ZNF853: variants seen among roughly 807,000 people sequenced by gnomAD.
The protein encoded by ZNF853 is zinc finger protein 853.
ZNF853 carries 57 observed loss-of-function variants against 94.7 expected under a neutral mutation model. The observed-to-expected ratio is 0.60, with a 90% CI of 0.49 to 0.75. ZNF853 has a LOEUF of 0.75. Ranked by LOEUF, ZNF853 falls within the 30% of genes least tolerant of loss-of-function variation. ZNF853 has a pLI of 0.00. For missense variants in ZNF853, 785 were observed against 868.9 expected, an observed-to-expected ratio of 0.90 and a Z score of 1.21; for synonymous variants, 448 against 406.3, an observed-to-expected ratio of 1.10 and a Z score of -1.23.
In ZNF853 at chr7:6,622,530, C is replaced by T. The variant is rs1782652768; in HGVS notation, c.1539C>T (p.His513=). ...CCACGCACACGGGTGAGCGGCCACA[C>T]CGCTGCGGCGAGTGCGGCAAGGGCT... is the stretch of plus-strand genomic sequence containing the variant. ...HQATHTGERP[H]RCGECGKGFS... is the part of the protein sequence containing the mutation. The change falls in exon 3 of 3, where the codon CAC becomes CAT. Residue 513 remains histidine (H), a synonymous_variant. Transcript: ENST00000457543. The T allele has an allele frequency of 6.5e-7, 1 of 1,549,770 alleles. No individual in the cohort carries two copies. Among genetic ancestry groups the T allele is most frequent in the African/African-American group, 1.4e-5 (1 of 73,116 alleles).
At chr7:6,617,484 G>T in intron 2 of ZNF853, 177 bp downstream of exon 2, 1 of 701,638 alleles carries the variant, frequency 1.4e-6, no homozygotes, top group African/African-American at 1.9e-5. Context: ...GCAGGCTGAG[G>T]CCAGGCTGGT....
chr7:6,622,188 G>A lies in ZNF853; in HGVS notation c.1197G>A (p.Glu399=), dbSNP rs867587863. The change falls in exon 3 of 3, where the codon GAG becomes GAA. Residue 399 remains glutamate (E), a synonymous_variant. Transcript: ENST00000457543. ...TPVELGAQQQ[E]VQLELTPVQP... is the part of the protein sequence containing the mutation. ...TGGAGCTAGGCGCCCAGCAGCAGGAGGTGCAGCTGGAGCTGACCCCCGTGC... is the reference window on the plus strand; with the variant it reads ...TGGAGCTAGGCGCCCAGCAGCAGGAAGTGCAGCTGGAGCTGACCCCCGTGC... The A allele has an allele frequency of 1.3e-6, 2 of 1,539,178 alleles. No homozygotes were observed. The highest frequency in any genetic ancestry group is 1.7e-6 in the Non-Finnish European group (2 of 1,145,550).
chr7:6,618,920 A>T lies in ZNF853; in HGVS notation c.130+1613A>T. On this transcript the variant is annotated intron_variant, in intron 2 of 2. Transcript: ENST00000457543. Reference sequence around the variant, plus strand: ...TGTCTTCTACCATGTGCTTCCCCCCAGCCAATGTCAGTGTCTATGAAAAGC... The same window carrying T: ...TGTCTTCTACCATGTGCTTCCCCCCTGCCAATGTCAGTGTCTATGAAAAGC... 2.0e-5 allele frequency among the ~76,000 whole-genome samples: 3 copies of T among 151,934 alleles called. No homozygotes were observed. In the South Asian group the frequency reaches 6.2e-4, roughly 31 times the overall value.
Position 6,616,135 on chromosome 7 carries a change from A to G in ZNF853, c.-40A>G. The G allele has an allele frequency of 6.5e-7, 1 of 1,542,614 alleles. No homozygotes were observed. Among genetic ancestry groups the G allele is most frequent in the Non-Finnish European group, 8.8e-7 (1 of 1,141,940 alleles). The stretch of plus-strand genomic sequence containing the variant: ...GGCCTTCACCTCGCAGCCTCTGCTG[A>G]CCACACCTCCCTAGCGCAGAGGCTG... On this transcript the variant is annotated 5_prime_UTR_variant, in exon 1 of 3. The change abolishes the stop of an existing upstream ORF in the 5' untranslated region. Coordinates refer to ENST00000457543, the MANE Select transcript of ZNF853 (RefSeq NM_017560.3).
In ZNF853 at chr7:6,622,477, C is replaced by T; in HGVS notation, c.1486C>T (p.Arg496Cys). 6.5e-7 allele frequency: 1 copy of T among 1,534,354 alleles called. No homozygotes were observed. The highest frequency in any genetic ancestry group is 8.8e-7 in the Non-Finnish European group (1 of 1,141,742). Residue 496 changes from arginine to cysteine, a missense_variant, in exon 3 of 3, where the codon CGC becomes TGC. Arg to Cys is a radical substitution (Grantham distance 180, BLOSUM62 -3). Coordinates refer to ENST00000457543, the MANE Select transcript of ZNF853 (RefSeq NM_017560.3). ...ICGECGKGFS[R>C]STDLVRHQAT... ...CGGGGAGTGCGGCAAGGGCTTCAGC[C>T]GCAGCACGGACCTGGTGCGCCACCA...
Position 6,621,355 on chromosome 7 carries a change from C to T in ZNF853, c.364C>T (p.Pro122Ser). The T allele has an allele frequency of 1.3e-6, 2 of 1,551,742 alleles. No individual in the cohort carries two copies. The highest frequency in any genetic ancestry group is 1.7e-6 in the Non-Finnish European group (2 of 1,147,008). ...GCCACACCTAGAACTGCAACAGCAG[C>T]CGCAGCAAGATGGGCAACAACAGCT... ...PQPHLELQQQ[P>S]QQDGQQQLSQ... Residue 122 changes from proline (P) to serine (S), a missense_variant, in exon 3 of 3, where the codon CCG becomes TCG. Physicochemically the swap from Pro to Ser is moderately conservative, Grantham distance 74. Coordinates refer to ENST00000457543, the MANE Select transcript of ZNF853 (RefSeq NM_017560.3).
At chr7:6,617,968 G>A in intron 2 of ZNF853, among the ~76,000 whole-genome samples, 1 of 152,038 alleles carries the variant, frequency 6.6e-6, no homozygotes, top group Non-Finnish European at 1.5e-5. Context: ...AGGACCAAGG[G>A]AATTGGAGGG....
At chr7:6,617,628 GTCAATTTCCAC>G in intron 2 of ZNF853, 1 of 985,440 alleles carries the variant, frequency 1.0e-6, no homozygotes. Context: ...CAGCTCCTGA[GTCAATTTCCAC>G]TCAATTTCCC....
rs1460580169 is a variant in ZNF853, at chr7:6,621,252, A to G, written c.261A>G (p.Arg87=). The change falls in exon 3 of 3, where the codon CGA becomes CGG. Residue 87 remains arginine, a synonymous_variant. Coordinates refer to ENST00000457543, the MANE Select transcript of ZNF853 (RefSeq NM_017560.3). ...EIAEETRPGQ[R]ELQLQQLEQQ... is the part of the protein sequence containing the mutation. ...CTGAGGAAACCCGGCCGGGACAACG[A>G]GAGTTGCAACTGCAGCAGTTAGAAC... 2 of 1,549,438 alleles carry G rather than the reference A, an allele frequency of 1.3e-6. No individual in the cohort carries two copies. The highest frequency in any genetic ancestry group is 4.9e-5 in the East Asian group (2 of 40,876).
intron 1 of ZNF853, 23 bp downstream of exon 1, chr7:6,616,209 C>T: frequency 1.9e-6 from 3 of 1,546,976 alleles, no homozygotes; most frequent in African/African-American, 1.4e-5. Flanking sequence ...GGGTCGTTGG[C>T]GCTGGGCAAC....
intron 2 of ZNF853, among the ~76,000 whole-genome samples, chr7:6,618,834 A>C: frequency 6.6e-6 from 1 of 152,250 alleles, no homozygotes; most frequent in East Asian, 1.9e-4. Flanking sequence ...TCCTCCCAGA[A>C]GAGGTGGGAG....
intron 2 of ZNF853, chr7:6,617,697 C>T: frequency 1.0e-6 from 1 of 967,016 alleles, no homozygotes; most frequent in South Asian, 4.8e-5. Context: ...CCCCTCCTGC[C>T]CCAGATGTTG....
chr7:6,621,002 C>T, intron 2 of ZNF853, 120 bp from the exon 3 acceptor site: 1 of 1,275,494 alleles, frequency 7.8e-7, no homozygotes, highest in Non-Finnish European at 1.0e-6. Context: ...CACTTTCGGG[C>T]TCCTGCTAAG....
chr7:6,622,651 T>G lies in ZNF853; in HGVS notation c.1660T>G (p.Ser554Ala). The G allele has an allele frequency of 3.2e-6, 5 of 1,577,412 alleles. No individual in the cohort carries two copies. The highest frequency in any genetic ancestry group is 4.3e-6 in the Non-Finnish European group (5 of 1,162,906). The change falls in exon 3 of 3, where the codon TCG (serine) becomes GCG (alanine). Residue 554 changes from serine to alanine, a missense_variant. Physicochemically the swap from Ser to Ala is moderately conservative, Grantham distance 99. Transcript: ENST00000457543. ...CTGCGCCAAGCGCTTCAGCGAGAGC[T>G]CGGCGCTCGTGCAGCACCAGCGCAC... is the stretch of plus-strand genomic sequence containing the variant. ...SYCAKRFSES[S>A]ALVQHQRTHT...
At chr7:6,619,483 G>A in intron 2 of ZNF853, among the ~76,000 whole-genome samples, 1 of 151,998 alleles carries the variant, frequency 6.6e-6, no homozygotes, top group African/African-American at 2.4e-5. Context: ...TGTTGGCCAG[G>A]ATGGTCTCAA....
In ZNF853 at chr7:6,622,672, C is replaced by T; in HGVS notation, c.1681C>T (p.Arg561Cys). The change falls in exon 3 of 3, where the codon CGC becomes TGC. Residue 561 changes from arginine (R) to cysteine (C), a missense_variant. Arg to Cys is a radical substitution (Grantham distance 180). Transcript: ENST00000457543. ...SESSALVQHQ[R>C]THTGERPYAC... is the part of the protein sequence containing the mutation. The stretch of plus-strand genomic sequence containing the variant: ...GAGCTCGGCGCTCGTGCAGCACCAG[C>T]GCACGCACACCGGGGAGCGACCCTA... 1.9e-6 allele frequency: 3 copies of T among 1,578,794 alleles called. No homozygotes were observed. Among genetic ancestry groups the T allele is most frequent in the Non-Finnish European group, 1.7e-6 (2 of 1,163,786 alleles).
In ZNF853 at chr7:6,622,900, G is replaced by T; in HGVS notation, c.1909G>T (p.Ala637Ser). 8.0e-7 allele frequency: 1 copy of T among 1,254,710 alleles called. No individual in the cohort carries two copies. The highest frequency in any genetic ancestry group is 1.0e-6 in the Non-Finnish European group (1 of 1,000,504). 77.7% of individuals were successfully genotyped at this position (1,254,710 alleles called of 1,614,324 possible). ...GLGLLRASRP[A>S]ALGGPARAEQ... ...CGGCCTGCTGCGCGCCTCGCGGCCG[G>T]CGGCCCTCGGTGGCCCAGCCCGCGC... Residue 637 changes from alanine (A) to serine (S), a missense_variant, in exon 3 of 3, where the codon GCG becomes TCG. Coordinates refer to ENST00000457543, the MANE Select transcript of ZNF853 (RefSeq NM_017560.3).
At chr7:6,620,604 T>TCTCTC in intron 2 of ZNF853, among the ~76,000 whole-genome samples, 29 of 151,738 alleles carry the variant, frequency 1.9e-4, no homozygotes, top group African/African-American at 6.8e-4. Flanking sequence ...CTTCTTCCTT[T>TCTCTC]CTTTCTCTCT....
In ZNF853 at chr7:6,621,148, G is replaced by C; in HGVS notation, c.157G>C (p.Glu53Gln). 6.8e-7 allele frequency: 1 copy of C among 1,468,470 alleles called. No homozygotes were observed. Among genetic ancestry groups the C allele is most frequent in the East Asian group, 2.5e-5 (1 of 40,354 alleles). 91.0% of individuals were successfully genotyped at this position (1,468,470 alleles called of 1,614,324 possible). A position where few individuals can be genotyped will look rare whatever the true frequency, so the allele number is the denominator to read the frequency against. Reference sequence around the variant, plus strand: ...TGGCAGCGGTGGGAGCGAGAGTCAGGAGGAGGAAGAGCCTCAGGAGAGGAA... The same window carrying C: ...TGGCAGCGGTGGGAGCGAGAGTCAGCAGGAGGAAGAGCCTCAGGAGAGGAA... Reference protein sequence around the residue: ...SGGSGGSESQEEEEPQERNSS... With the variant: ...SGGSGGSESQQEEEPQERNSS... Residue 53 changes from glutamate (E) to glutamine (Q), a missense_variant, in exon 3 of 3, where the codon GAG becomes CAG. Physicochemically the swap from Glu to Gln is conservative, Grantham distance 29. Coordinates refer to ENST00000457543, the MANE Select transcript of ZNF853 (RefSeq NM_017560.3).
Sources: allele counts gnomAD v4.1 joint callset (sites outside exome capture counted in the v4.1 genomes callset), GRCh38; gene constraint gnomAD v4.1.1; transcripts MANE v1.5; gene names NCBI Gene and HGNC (gene_info 2026-07-23, HGNC 2026-07-21).